The following CTXND2 variants were observed in gnomAD, a reference collection of about 807,000 sequenced individuals.
CTXND2 encodes cortexin domain containing 2.
chr1:150,898,713 G>C (rs1275597260), intron 1 of CTXND2, among the ~76,000 whole-genome samples: 2 of 147,344 alleles, frequency 1.4e-5, no homozygotes, highest in East Asian at 4.0e-4. Context: ...CTGAGATCGT[G>C]CCACTGCACT....
intron 1 of CTXND2, among the ~76,000 whole-genome samples, chr1:150,899,830 C>T (rs1668969018): frequency 6.6e-6 from 1 of 152,166 alleles, no homozygotes; most frequent in Non-Finnish European, 1.5e-5. Flanking sequence ...GATAGTGAGA[C>T]ATGAAGCTAT....
intron 1 of CTXND2, among the ~76,000 whole-genome samples, chr1:150,902,281 C>T (rs191218736): frequency 2.6e-5 from 4 of 152,030 alleles, no homozygotes; most frequent in East Asian, 3.9e-4. Flanking sequence ...GTGGTGGGTG[C>T]CTGTAGTCCC....
intron 1 of CTXND2, among the ~76,000 whole-genome samples, chr1:150,894,300 C>T (rs1160166185): frequency 2.0e-5 from 3 of 151,896 alleles, no homozygotes; most frequent in Non-Finnish European, 4.4e-5. Context: ...ACCGAAAAGC[C>T]CAACTCAAAT....
chr1:150,891,966 T>C (rs957950999), intron 1 of CTXND2, among the ~76,000 whole-genome samples: 3 of 152,194 alleles, frequency 2.0e-5, no homozygotes, highest in African/African-American at 4.8e-5. Flanking sequence ...TTTAACTTTA[T>C]AAGATTCAGA....
chr1:150,909,304 T>C (rs1209626504), intron 1 of CTXND2, among the ~76,000 whole-genome samples: 6 of 150,792 alleles, frequency 4.0e-5, no homozygotes, highest in Non-Finnish European at 7.4e-5. Flanking sequence ...TCCTAACACT[T>C]TGGGAGGCTA....
intron 1 of CTXND2, among the ~76,000 whole-genome samples, chr1:150,908,804 T>A (rs1413054923): frequency 2.8e-5 from 4 of 143,418 alleles, no homozygotes; most frequent in African/African-American, 7.6e-5. Context: ...AAAAAAAAAA[T>A]TAAGAAACAA....
intron 1 of CTXND2, among the ~76,000 whole-genome samples, chr1:150,893,006 C>T (rs1668872465): frequency 6.6e-6 from 1 of 152,050 alleles, no homozygotes; most frequent in Admixed American, 6.6e-5. Context: ...ATAGTATATC[C>T]CTTCATTTAC....
intron 1 of CTXND2, among the ~76,000 whole-genome samples, chr1:150,895,643 G>A (rs1668906786): frequency 6.6e-6 from 1 of 152,104 alleles, no homozygotes; most frequent in Non-Finnish European, 1.5e-5. Context: ...CACTGCACCC[G>A]GCCATGAAGA....
intron 1 of CTXND2, among the ~76,000 whole-genome samples, chr1:150,892,476 G>GA (rs1336765168): frequency 6.6e-6 from 1 of 150,878 alleles, no homozygotes; most frequent in African/African-American, 2.4e-5. Context: ...TGCTGATAAG[G>GA]AAAATCTCTC....
At chr1:150,902,504 G>A (rs958452365) in intron 1 of CTXND2, among the ~76,000 whole-genome samples, 4 of 152,098 alleles carry the variant, frequency 2.6e-5, no homozygotes, top group Admixed American at 2.6e-4. Context: ...GGAGACAGAG[G>A]TTGCAGTAAA....
intron 1 of CTXND2, among the ~76,000 whole-genome samples, chr1:150,902,879 C>G (rs1322092876): frequency 6.6e-6 from 1 of 151,990 alleles, no homozygotes; most frequent in Non-Finnish European, 1.5e-5. Context: ...CACCTTTCTC[C>G]TACAGAGTAC....
At chr1:150,907,821 T>A (rs1296793097) in intron 1 of CTXND2, among the ~76,000 whole-genome samples, 1 of 148,696 alleles carries the variant, frequency 6.7e-6, no homozygotes, top group Non-Finnish European at 1.5e-5. Context: ...GCCATTCTCC[T>A]GCCTCAGCCT....
intron 1 of CTXND2, among the ~76,000 whole-genome samples, chr1:150,895,667 A>G (rs587740873): frequency 6.6e-6 from 1 of 152,298 alleles, no homozygotes; most frequent in Non-Finnish European, 1.5e-5. Context: ...CTTTCTTCAC[A>G]TGAATCTGTC....
At chr1:150,913,222 T>C (rs968440317) in exon 2 of CTXND2, 4 of 152,204 alleles carry the variant, frequency 2.6e-5, no homozygotes, top group African/African-American at 7.2e-5. Context: ...AGTATGGTCT[T>C]ACTAACACCT....
rs587651024 is a variant in CTXND2 at position 150,894,245 on chromosome 1, C to T, written c.-74+6932C>T. Among the ~76,000 whole-genome samples, 39 of 152,172 alleles carry T rather than the reference C, an allele frequency of 2.6e-4. 1 individual carries two copies. Among genetic ancestry groups the T allele is most frequent in the African/African-American group, 9.4e-4 (39 of 41,516 alleles). On this transcript the variant is annotated intron_variant, in intron 1 of 1. Coordinates refer to ENST00000636087, the Ensembl canonical transcript of CTXND2. The stretch of plus-strand genomic sequence containing the variant: ...AGGATTTATTTGCAGGGAATAGAAA[C>T]TTTCTAGTTATTTAAAACAGAAGTA...
intron 1 of CTXND2, among the ~76,000 whole-genome samples, chr1:150,902,072 C>G (rs1482074357): frequency 6.6e-6 from 1 of 151,986 alleles, no homozygotes; most frequent in Admixed American, 6.6e-5. Context: ...TCAAGATTAG[C>G]CTGGCCAACA....
chr1:150,906,207 G>A (rs587678112), intron 1 of CTXND2, among the ~76,000 whole-genome samples: 2 of 152,034 alleles, frequency 1.3e-5, no homozygotes, highest in South Asian at 4.2e-4. Context: ...GCTGAGGCAG[G>A]AGGATCACTT....
At chr1:150,894,520 T>C (rs1668889750) in intron 1 of CTXND2, among the ~76,000 whole-genome samples, 1 of 152,246 alleles carries the variant, frequency 6.6e-6, no homozygotes, top group Admixed American at 6.5e-5. Flanking sequence ...TCTAGAGTTC[T>C]ATTGCTTTCT....
intron 1 of CTXND2, among the ~76,000 whole-genome samples, chr1:150,905,976 C>T (rs1374936776): frequency 2.0e-5 from 3 of 148,642 alleles, no homozygotes; most frequent in African/African-American, 5.0e-5. Context: ...GGCGACAGAG[C>T]GAGACTCCAT....
Sources: gnomAD v4.1 joint callset for allele counts (sites outside exome capture counted in the v4.1 genomes callset) on GRCh38, gnomAD v4.1.1 for gene constraint, MANE v1.5 for transcripts, NCBI Gene and HGNC (gene_info 2026-07-23, HGNC 2026-07-21) for gene names.